Variants in FAM13A observed in about 807,000 individuals in gnomAD.
The protein encoded by FAM13A is family with sequence similarity 13 member A.
A neutral mutation model predicts 129.6 loss-of-function variants in FAM13A; 76 were observed. That is an observed-to-expected ratio of 0.59 (90% CI 0.49 to 0.71). The LOEUF is 0.71. FAM13A is among the 30% of genes least tolerant of loss of function. The pLI is 0.00. For missense variants in FAM13A, 1,108 were observed against 1,249.3 expected (o/e 0.89, Z 1.70); for synonymous variants, 443 against 449.9 (o/e 0.98, Z 0.20).
intron 10 of FAM13A, among the ~76,000 whole-genome samples, chr4:88,783,224 C>T (rs1396196386): frequency 2.6e-5 from 4 of 152,032 alleles, no homozygotes; most frequent in African/African-American, 9.7e-5. Flanking sequence ...AGGTCTTTTG[C>T]AAACTATGTT....
intron 4 of FAM13A, among the ~76,000 whole-genome samples, chr4:88,958,012 T>G (rs1758016832): frequency 6.6e-6 from 1 of 151,868 alleles, no homozygotes; most frequent in Non-Finnish European, 1.5e-5. Flanking sequence ...GATTTATATT[T>G]AAAAGGGAAG....
At chr4:88,856,722 A>C (rs1373708296) in intron 6 of FAM13A, among the ~76,000 whole-genome samples, 1 of 152,158 alleles carries the variant, frequency 6.6e-6, no homozygotes, top group Non-Finnish European at 1.5e-5. Context: ...AAGAAAGTTA[A>C]CCAGTCCTCC....
intron 6 of FAM13A, among the ~76,000 whole-genome samples, chr4:88,880,938 G>A (rs2150125451): frequency 6.6e-6 from 1 of 152,106 alleles, no homozygotes; most frequent in East Asian, 1.9e-4. Context: ...AACTCCATTG[G>A]CCTGAGAACC....
In FAM13A at chr4:88,781,277, A is replaced by T. The variant is rs146450292; in HGVS notation, c.1346T>A (p.Val449Asp). 341 of 1,612,952 alleles carry T rather than the reference A, an allele frequency of 2.1e-4. 1 individual carries two copies. The highest frequency in any genetic ancestry group is 2.8e-4 in the Non-Finnish European group (330 of 1,179,412). ...LDDCILNTQE[V>D]EKVHKNTFGC... ...AAAAGTATTTTTGTGTACCTTTTCG[A>T]CTTCCTGAGTATTCAAAATACAATC... Residue 449 changes from valine (V) to aspartate (D), a missense_variant, in exon 11 of 24, where the codon GTC (valine) becomes GAC (aspartate). Val to Asp is a radical substitution (Grantham distance 152). This residue lies in a region of FAM13A where 566 missense variants were observed against 595.7 expected (regional missense o/e 0.95). Coordinates refer to ENST00000264344, the MANE Select transcript of FAM13A (RefSeq NM_014883.4).
At chr4:88,961,365 TTTTTTTTTTTTTTTTTTTTTG>T (rs1758590454) in intron 4 of FAM13A, among the ~76,000 whole-genome samples, 1 of 103,480 alleles carries the variant, frequency 9.7e-6, no homozygotes, top group Non-Finnish European at 2.0e-5. Context: ...TTTTTTTTTT[TTTTTTTTTTTTTTTTTTTTTG>T]AGACTGAGTC....
At chr4:88,736,743 C>T (rs1034542374) in intron 21 of FAM13A, 4 of 152,036 alleles carry the variant, frequency 2.6e-5, no homozygotes, top group Non-Finnish European at 2.9e-5. Flanking sequence ...GATTACATCT[C>T]GCATTCTAGC....
chr4:88,955,133 A>C (rs1757538003), intron 4 of FAM13A, among the ~76,000 whole-genome samples: 1 of 152,092 alleles, frequency 6.6e-6, no homozygotes, highest in Non-Finnish European at 1.5e-5. Context: ...GCTAGAACTA[A>C]CCATATTATA....
At chr4:88,958,070 GA>G (rs34095133) in intron 4 of FAM13A, among the ~76,000 whole-genome samples, 64 of 144,742 alleles carry the variant, frequency 4.4e-4, no homozygotes, top group Middle Eastern at 3.6e-3. Flanking sequence ...GCGTCAGAGG[GA>G]AAAAAAAAAA....
chr4:88,817,167 A>T (rs946342905), intron 7 of FAM13A, among the ~76,000 whole-genome samples: 1 of 152,234 alleles, frequency 6.6e-6, no homozygotes, highest in Admixed American at 6.5e-5. Flanking sequence ...CAAACTGATG[A>T]TATGATTACA....
At chr4:88,737,397 C>T in intron 21 of FAM13A, 75 bp downstream of exon 21, 2 of 1,256,690 alleles carry the variant, frequency 1.6e-6, no homozygotes, top group African/African-American at 1.5e-5. Flanking sequence ...ACCCCCTTTC[C>T]ATTCACCGGA....
At chr4:88,751,888 G>C (rs896816511) in intron 14 of FAM13A, among the ~76,000 whole-genome samples, 5 of 152,036 alleles carry the variant, frequency 3.3e-5, no homozygotes, top group Admixed American at 1.3e-4. Flanking sequence ...TTAAACTCTG[G>C]GATTCCTAGA....
intron 13 of FAM13A, among the ~76,000 whole-genome samples, chr4:88,762,569 A>C (rs1255766483): frequency 1.3e-5 from 2 of 152,034 alleles, no homozygotes; most frequent in Non-Finnish European, 2.9e-5. Context: ...AGGGCTGCAG[A>C]CTGCTGATGG....
At chr4:88,961,409 C>T (rs1218901877) in intron 4 of FAM13A, among the ~76,000 whole-genome samples, 1 of 105,630 alleles carries the variant, frequency 9.5e-6, no homozygotes, top group Non-Finnish European at 1.7e-5. Flanking sequence ...GCTCTGTCAT[C>T]CAGGCTGGAG....
At chr4:88,883,854 C>T (rs552588607) in intron 6 of FAM13A, among the ~76,000 whole-genome samples, 1 of 151,674 alleles carries the variant, frequency 6.6e-6, no homozygotes, top group African/African-American at 2.4e-5. Flanking sequence ...CACAGAAATA[C>T]AAAAGATCAT....
At chr4:88,814,428 A>T (rs1371593314) in intron 7 of FAM13A, among the ~76,000 whole-genome samples, 1 of 152,170 alleles carries the variant, frequency 6.6e-6, no homozygotes, top group Non-Finnish European at 1.5e-5. Context: ...CTTGGAAAGC[A>T]TGGGAGAATT....
intron 8 of FAM13A, among the ~76,000 whole-genome samples, chr4:88,793,299 G>C (rs2149685979): frequency 6.6e-6 from 1 of 152,066 alleles, no homozygotes; most frequent in African/African-American, 2.4e-5. Flanking sequence ...AGAGAAAAAT[G>C]ACCTGAACCA....
chr4:88,732,482 A>G (rs1448844113), intron 21 of FAM13A: 2 of 255,770 alleles, frequency 7.8e-6, no homozygotes, highest in Non-Finnish European at 7.3e-6. Context: ...GTTGGGGGTA[A>G]GAAGGAACAA....
At chr4:88,852,134 T>C (rs887163385) in intron 6 of FAM13A, among the ~76,000 whole-genome samples, 3 of 151,582 alleles carry the variant, frequency 2.0e-5, no homozygotes, top group Admixed American at 6.6e-5. Flanking sequence ...ATAACTCCAG[T>C]GGACTTTCTC....
chr4:88,908,785 C>A (rs1748567023), intron 5 of FAM13A, among the ~76,000 whole-genome samples: 1 of 152,106 alleles, frequency 6.6e-6, no homozygotes, highest in Non-Finnish European at 1.5e-5. Flanking sequence ...GATGAAAAGA[C>A]AAGCCAGCAC....
Sources: allele counts gnomAD v4.1 joint callset (sites outside exome capture counted in the v4.1 genomes callset), GRCh38; gene constraint gnomAD v4.1.1; regional missense constraint gnomAD v4.1.1; transcripts MANE v1.5; gene names NCBI Gene and HGNC (gene_info 2026-07-23, HGNC 2026-07-21).